Variants in ABHD4 observed in about 807,000 individuals in gnomAD.
The protein encoded by ABHD4 is abhydrolase domain containing 4, N-acyl phospholipase B.
In ABHD4, 35 loss-of-function variants were observed where a neutral mutation model predicts 42.3. The observed-to-expected ratio is 0.83, with a 90% CI of 0.63 to 1.10. The LOEUF is 1.10. Ranked by LOEUF, ABHD4 falls within the 50% of genes least tolerant of loss-of-function variation. ABHD4 has a pLI of 0.00. For synonymous variants in ABHD4, 169 were observed against 170.6 expected (o/e 0.99, Z 0.07); for missense variants, 389 against 454.8 (o/e 0.86, Z 1.32).
In ABHD4 at chr14:22,609,726, G is replaced by C; in HGVS notation, c.755G>C (p.Gly252Ala). Residue 252 changes from glycine to alanine, a missense_variant and splice_region_variant, in exon 6 of 7, where the codon GGT becomes GCT. Physicochemically the swap from Gly to Ala is moderately conservative, Grantham distance 60. Transcript: ENST00000428304. ...TATTGCTGTTTTGCTTTTGACAGTG[G>C]TGAGACAGCATTCAAAGCCATGATG... ...IYHCNAQNPS[G>A]ETAFKAMMES... is the part of the protein sequence containing the mutation. 1.2e-6 allele frequency: 2 copies of C among 1,613,568 alleles called. No individual in the cohort carries two copies. The highest frequency in any genetic ancestry group is 1.7e-6 in the Non-Finnish European group (2 of 1,179,806).
At position 22,605,517 on chromosome 14, in the gene ABHD4, T is replaced by A. The variant is rs141081322; in HGVS notation, c.641-905T>A. 5.1e-4 allele frequency among the ~76,000 whole-genome samples: 78 copies of A among 152,244 alleles called. No individual in the cohort carries two copies. In the East Asian group the frequency reaches 0.011, roughly 21 times the overall value. On this transcript the variant is annotated intron_variant, in intron 4 of 6. Coordinates refer to ENST00000428304, the MANE Select transcript of ABHD4 (RefSeq NM_022060.3). ...GAGAGGAAGGATACCAAGACACGGG[T>A]GCCAAAGGACAGTAAGTGGGCAGAG...
chr14:22,611,284 T>C lies in ABHD4; in HGVS notation c.*336T>C, dbSNP rs1026312188. 2 of 258,064 alleles carry C rather than the reference T, an allele frequency of 7.8e-6. No individual in the cohort carries two copies. Among genetic ancestry groups the C allele is most frequent in the Non-Finnish European group, 1.5e-5 (2 of 130,152 alleles). The allele number at this position is 258,064 out of a possible 1,614,324, so 16.0% of individuals were successfully genotyped here. On this transcript the variant is annotated 3_prime_UTR_variant, in exon 7 of 7. Coordinates refer to ENST00000428304, the MANE Select transcript of ABHD4 (RefSeq NM_022060.3). ...ACATTCACTCTCTCTGTGGCCTTTC[T>C]TCCTCTGGGCAAAGAAGGGCTTCCA...
intron 4 of ABHD4, among the ~76,000 whole-genome samples, chr14:22,604,666 G>A (rs1010603003): frequency 5.9e-5 from 9 of 152,058 alleles, no homozygotes; most frequent in African/African-American, 2.2e-4. Flanking sequence ...CTGATGTGCA[G>A]TGGTGTGATC....
At chr14:22,606,313 C>T (rs999503081) in intron 4 of ABHD4, 109 bp from the exon 5 acceptor site, 2 of 742,246 alleles carry the variant, frequency 2.7e-6, no homozygotes, top group South Asian at 1.6e-5. Flanking sequence ...GCAAACAAAC[C>T]CTTAGGAGAA....
At chr14:22,607,428 C>G (rs1247874366) in intron 5 of ABHD4, among the ~76,000 whole-genome samples, 1 of 152,162 alleles carries the variant, frequency 6.6e-6, no homozygotes, top group Non-Finnish European at 1.5e-5. Flanking sequence ...CTAGGGCTGT[C>G]CAAGTCACTT....
intron 1 of ABHD4, among the ~76,000 whole-genome samples, chr14:22,600,977 A>G (rs1241650599): frequency 6.6e-6 from 1 of 152,070 alleles, no homozygotes; most frequent in Non-Finnish European, 1.5e-5. Context: ...ACCGCATGTC[A>G]TTAGAGGTGA....
chr14:22,603,388 A>G lies in ABHD4; in HGVS notation c.113-2A>G. On this transcript the variant is annotated splice_acceptor_variant, in intron 2 of 6. Coordinates refer to ENST00000428304, the MANE Select transcript of ABHD4 (RefSeq NM_022060.3). LOFTEE classifies it high-confidence loss of function. ...CTTACCATGGGATTCTTTCCTCCCC[A>G]GGTCTCCAGAATAAGTTCCTGGCCA... The G allele has an allele frequency of 6.2e-7, 1 of 1,614,130 alleles. No homozygotes were observed. Among genetic ancestry groups the G allele is most frequent in the South Asian group, 1.1e-5 (1 of 91,050 alleles).
rs558738429 is a variant in ABHD4 at position 22,603,517 on chromosome 14, C to T, written c.240C>T (p.Gly80=). 1.8e-4 allele frequency: 295 copies of T among 1,614,144 alleles called. 2 individuals carry two copies. The South Asian group carries it at 2.6e-3, about 14-fold the overall frequency. The change falls in exon 3 of 7, where the codon GGC becomes GGT. Residue 80 remains glycine, a synonymous_variant. Coordinates refer to ENST00000428304, the MANE Select transcript of ABHD4 (RefSeq NM_022060.3). ...TGATGGTGCATGGTTTTGGGGGCGG[C>T]GTGGGTCTCTGGATCCTCAACATGG... ...PLVMVHGFGG[G]VGLWILNMDS... is the part of the protein sequence containing the mutation.
At chr14:22,599,806 G>A (rs1437375951) in intron 1 of ABHD4, among the ~76,000 whole-genome samples, 2 of 152,164 alleles carry the variant, frequency 1.3e-5, no homozygotes, top group Non-Finnish European at 2.9e-5. Context: ...TGGTCCCCGT[G>A]CTTCAAGCCT....
chr14:22,598,825 G>C (rs145324666), intron 1 of ABHD4: 2 of 201,938 alleles, frequency 9.9e-6, no homozygotes, highest in South Asian at 7.7e-5. Context: ...CAACGGGCTT[G>C]CAAGTTTCTT....
chr14:22,604,002 C>G lies in ABHD4; in HGVS notation c.563C>G (p.Pro188Arg). 6.2e-7 allele frequency: 1 copy of G among 1,614,208 alleles called. No homozygotes were observed. Among genetic ancestry groups the G allele is most frequent in the Non-Finnish European group, 8.5e-7 (1 of 1,180,056 alleles). ...PTNPSEIRAP[P>R]AWVKAVASVL... is the part of the protein sequence containing the mutation. ...AACCCCAGTGAGATCCGTGCACCCC[C>G]AGCCTGGGTCAAAGCCGTGGCATCT... Residue 188 changes from proline (P) to arginine (R), a missense_variant, in exon 4 of 7, where the codon CCA becomes CGA. By Grantham distance (103) the Pro-to-Arg change is moderately radical. Around this residue, in one of 3 missense-constraint regions of ABHD4, gnomAD observed 249 missense variants for 254.4 expected, o/e 0.98. Coordinates refer to ENST00000428304, the MANE Select transcript of ABHD4 (RefSeq NM_022060.3).
Position 22,610,934 on chromosome 14 carries a change from G to C in ABHD4, c.1015G>C (p.Asp339His), listed in dbSNP as rs138059839. ...CAATGCTGTGGTGGAGGAGATCTGC[G>C]ACTCAGTTGATTGAGCTGCTCTCTG... Reference protein sequence around the residue: ...IFNAVVEEICDSVD With the variant: ...IFNAVVEEICHSVD Residue 339 changes from aspartate (D) to histidine (H), a missense_variant, in exon 7 of 7, where the codon GAC (aspartate) becomes CAC (histidine). By Grantham distance (81) the Asp-to-His change is moderately conservative (BLOSUM62 -1). This residue lies in a region of ABHD4 where 249 missense variants were observed against 254.4 expected (regional missense o/e 0.98). Transcript: ENST00000428304. 1 of 1,614,006 alleles carries C rather than the reference G, an allele frequency of 6.2e-7. No homozygotes were observed. The highest frequency in any genetic ancestry group is 1.1e-5 in the South Asian group (1 of 91,074).
chr14:22,601,337 C>T lies in ABHD4; in HGVS notation c.24-330C>T, dbSNP rs1334608793. On this transcript the variant is annotated intron_variant, in intron 1 of 6. Transcript: ENST00000428304. ...GTTAAAAGATGCCTCTCCCTTTAAT[C>T]TCCTTGAACATAAATTATGATAATC... 3.3e-5 allele frequency among the ~76,000 whole-genome samples: 5 copies of T among 152,334 alleles called. No individual in the cohort carries two copies. In the East Asian group the frequency reaches 9.6e-4, roughly 29 times the overall value.
intron 5 of ABHD4, among the ~76,000 whole-genome samples, chr14:22,607,739 CT>C (rs1431128859): frequency 6.6e-6 from 1 of 152,234 alleles, no homozygotes; most frequent in Non-Finnish European, 1.5e-5. Flanking sequence ...TTCCCCAGAA[CT>C]TTCCCCATCC....
In ABHD4 at chr14:22,603,729, T is replaced by C; in HGVS notation, c.452T>C (p.Leu151Pro). 1.3e-6 allele frequency: 2 copies of C among 1,593,338 alleles called. No individual in the cohort carries two copies. Among genetic ancestry groups the C allele is most frequent in the Non-Finnish European group, 1.7e-6 (2 of 1,168,594 alleles). ...ILLGHSLGGF[L>P]ATSYSIKYPD... ...CTGGGGCACAGTTTGGGAGGATTCC[T>C]GGCCACTTCTTACTCAATCAAGTAC... Residue 151 changes from leucine to proline, a missense_variant, in exon 3 of 7, where the codon CTG becomes CCG. Physicochemically the swap from Leu to Pro is moderately conservative, Grantham distance 98 (BLOSUM62 -3). Coordinates refer to ENST00000428304, the MANE Select transcript of ABHD4 (RefSeq NM_022060.3).
Position 22,609,861 on chromosome 14 carries a change from C to T in ABHD4, c.890C>T (p.Thr297Met), listed in dbSNP as rs756852665. 14 of 1,613,790 alleles carry T rather than the reference C, an allele frequency of 8.7e-6. No individual in the cohort carries two copies. Among genetic ancestry groups the T allele is most frequent in the East Asian group, 6.7e-5 (3 of 44,864 alleles). ...YGSDTWIDTS[T>M]GKKVKMQRPD... ...TCCGACACCTGGATAGATACCAGTACGGGAAAAAAGGTGAAGATGCAGCGG... is the reference window on the plus strand; with the variant it reads ...TCCGACACCTGGATAGATACCAGTATGGGAAAAAAGGTGAAGATGCAGCGG... Residue 297 changes from threonine (T) to methionine (M), a missense_variant, in exon 6 of 7, where the codon ACG becomes ATG. By Grantham distance (81) the Thr-to-Met change is moderately conservative. Transcript: ENST00000428304.
intron 1 of ABHD4, chr14:22,598,581 C>A: frequency 1.0e-6 from 1 of 999,832 alleles, no homozygotes; most frequent in Non-Finnish European, 1.5e-6. Flanking sequence ...CCTTAGTCCT[C>A]GCGAGTGCCC....
chr14:22,608,430 T>C (rs1476792552), intron 5 of ABHD4, among the ~76,000 whole-genome samples: 1 of 152,218 alleles, frequency 6.6e-6, no homozygotes, highest in African/African-American at 2.4e-5. Flanking sequence ...CCTGAGCAAA[T>C]GACCGGGGAG....
intron 1 of ABHD4, among the ~76,000 whole-genome samples, chr14:22,600,663 T>C (rs1303019345): frequency 1.3e-5 from 2 of 152,174 alleles, no homozygotes; most frequent in Non-Finnish European, 2.9e-5. Context: ...AGAAATATCA[T>C]ATGGGGTTAA....
Sources: gnomAD v4.1 joint callset for allele counts (sites outside exome capture counted in the v4.1 genomes callset) on GRCh38, gnomAD v4.1.1 for gene constraint, gnomAD v4.1.1 regional missense constraint, MANE v1.5 for transcripts, NCBI Gene and HGNC (gene_info 2026-07-23, HGNC 2026-07-21) for gene names.